Variants in LEMD3 observed in about 807,000 individuals in gnomAD.
LEMD3 encodes the protein LEM domain containing 3.
A neutral mutation model predicts 95.2 loss-of-function variants in LEMD3; 33 were observed. That is an observed-to-expected ratio of 0.35 (90% CI 0.26 to 0.46). The LOEUF (loss-of-function observed/expected upper bound fraction) is 0.46. LEMD3 is among the 20% of genes least tolerant of loss of function. The probability of loss-of-function intolerance (pLI) is 1.00; values close to 1 mark genes in which losing one functional copy is unlikely to be tolerated. For synonymous variants in LEMD3, 525 were observed against 474.6 expected, an observed-to-expected ratio of 1.11 and a Z score of -1.38; for missense variants, 1,210 against 1,192.8, an observed-to-expected ratio of 1.01 and a Z score of -0.21.
At chr12:65,239,127 TAA>T (rs572529772) in intron 6 of LEMD3, among the ~76,000 whole-genome samples, 69 of 152,318 alleles carry the variant, frequency 4.5e-4, no homozygotes, top group African/African-American at 1.7e-3. Flanking sequence ...TTTTAAATAA[TAA>T]AGTGTTATAA....
At position 65,246,687 on chromosome 12, in the gene LEMD3, C is replaced by T. The variant is rs181182810; in HGVS notation, c.*362C>T. On this transcript the variant is annotated 3_prime_UTR_variant, in exon 13 of 13. Coordinates refer to ENST00000308330, the MANE Select transcript of LEMD3 (RefSeq NM_014319.5). ...AAGGCTTCTTGTAGTCCCATAATTT[C>T]TTGTGAACTAATGTTGTGAATTTTT... 4.0e-6 allele frequency: 1 copy of T among 250,498 alleles called. No homozygotes were observed. Among genetic ancestry groups the T allele is most frequent in the Admixed American group, 5.2e-5 (1 of 19,366 alleles). 15.5% of individuals were successfully genotyped at this position (250,498 alleles called of 1,614,324 possible).
intron 4 of LEMD3, among the ~76,000 whole-genome samples, chr12:65,230,265 G>A (rs1870581278): frequency 6.6e-6 from 1 of 152,040 alleles, no homozygotes; most frequent in Admixed American, 6.6e-5. Context: ...CTTTTGCTCA[G>A]GATTGCTTTG....
rs1173665502 is a variant in LEMD3 at position 65,170,302 on chromosome 12, G to A, written c.706G>A (p.Glu236Lys). 6.3e-7 allele frequency: 1 copy of A among 1,585,128 alleles called. No homozygotes were observed. ...TGAGGAGAGGGACCCGGAGACCGAG[G>A]AGCCGCTCTGGGCGAGCCGGACCGT... ...DGEERDPETEEPLWASRTVNG... is the reference protein window; with the variant it reads ...DGEERDPETEKPLWASRTVNG... The change falls in exon 1 of 13, where the codon GAG becomes AAG. Residue 236 changes from glutamate (E) to lysine (K), a missense_variant. Physicochemically the swap from Glu to Lys is moderately conservative, Grantham distance 56. Coordinates refer to ENST00000308330, the MANE Select transcript of LEMD3 (RefSeq NM_014319.5).
At chr12:65,208,166 G>T (rs1367738333) in intron 1 of LEMD3, among the ~76,000 whole-genome samples, 1 of 152,012 alleles carries the variant, frequency 6.6e-6, no homozygotes, top group Admixed American at 6.6e-5. Flanking sequence ...AGAAAAGCTT[G>T]GTATATTTGA....
At chr12:65,195,136 T>G (rs1869389591) in intron 1 of LEMD3, among the ~76,000 whole-genome samples, 1 of 152,084 alleles carries the variant, frequency 6.6e-6, no homozygotes, top group Non-Finnish European at 1.5e-5. Flanking sequence ...TTTTGACCCA[T>G]GGTTGGTTGA....
At chr12:65,199,459 T>C (rs917110480) in intron 1 of LEMD3, among the ~76,000 whole-genome samples, 3 of 152,148 alleles carry the variant, frequency 2.0e-5, no homozygotes, top group Admixed American at 6.5e-5. Context: ...ACACATATTT[T>C]AAAAATTTCT....
chr12:65,186,181 T>C (rs1321091048), intron 1 of LEMD3, among the ~76,000 whole-genome samples: 5 of 152,116 alleles, frequency 3.3e-5, no homozygotes, highest in Admixed American at 3.3e-4. Context: ...TTCTAAGTCA[T>C]AAACTTTGGA....
intron 1 of LEMD3, among the ~76,000 whole-genome samples, chr12:65,199,294 T>G (rs1869522919): frequency 1.3e-5 from 2 of 152,116 alleles, no homozygotes. Context: ...CTTAAATGTC[T>G]ATTTTGGTAT....
chr12:65,188,396 C>T (rs944847970), intron 1 of LEMD3, among the ~76,000 whole-genome samples: 4 of 151,996 alleles, frequency 2.6e-5, no homozygotes, highest in Non-Finnish European at 4.4e-5. Context: ...TACTTAGAAC[C>T]GGAAGGGATC....
At chr12:65,222,204 G>A (rs1009346993) in intron 4 of LEMD3, among the ~76,000 whole-genome samples, 1 of 152,056 alleles carries the variant, frequency 6.6e-6, no homozygotes, top group African/African-American at 2.4e-5. Context: ...TGCATCTATT[G>A]AGATGATCAT....
chr12:65,209,643 AT>A (rs1869878014), intron 1 of LEMD3, among the ~76,000 whole-genome samples: 1 of 151,984 alleles, frequency 6.6e-6, no homozygotes, highest in Non-Finnish European at 1.5e-5. Flanking sequence ...ATTTTCTGTA[AT>A]ATCTTTCAAA....
At position 65,170,997 on chromosome 12, in the gene LEMD3, T is replaced by C; in HGVS notation, c.1401T>C (p.Ser467=). The C allele has an allele frequency of 1.2e-6, 2 of 1,613,952 alleles. No homozygotes were observed. The highest frequency in any genetic ancestry group is 1.7e-6 in the Non-Finnish European group (2 of 1,179,996). The change falls in exon 1 of 13, where the codon AGT becomes AGC. Residue 467 remains serine (S), a synonymous_variant. Transcript: ENST00000308330. Reference sequence around the variant, plus strand: ...GGGAGGAGGTGTCCCCAACAGGGAGTTTCAGTGCCCACTACTTGTCGATGT... The same window carrying C: ...GGGAGGAGGTGTCCCCAACAGGGAGCTTCAGTGCCCACTACTTGTCGATGT... The part of the protein sequence containing the change: ...FKREEVSPTG[S]FSAHYLSMFL...
intron 4 of LEMD3, among the ~76,000 whole-genome samples, chr12:65,221,533 T>G (rs1870288515): frequency 6.6e-6 from 1 of 151,874 alleles, no homozygotes; most frequent in East Asian, 1.9e-4. Flanking sequence ...ATAACAAGAT[T>G]TTTTTGGTGA....
intron 4 of LEMD3, among the ~76,000 whole-genome samples, chr12:65,225,000 C>A (rs1870404597): frequency 6.6e-6 from 1 of 152,042 alleles, no homozygotes; most frequent in African/African-American, 2.4e-5. Context: ...CTGATTCTTT[C>A]TTCTGTTTGA....
At chr12:65,239,115 A>C (rs1157204434) in intron 6 of LEMD3, among the ~76,000 whole-genome samples, 5 of 152,146 alleles carry the variant, frequency 3.3e-5, no homozygotes, top group African/African-American at 1.2e-4. Flanking sequence ...AATTGAGCTT[A>C]TTTTTAAATA....
intron 1 of LEMD3, among the ~76,000 whole-genome samples, chr12:65,178,238 C>T (rs1180191127): frequency 6.6e-6 from 1 of 151,724 alleles, no homozygotes; most frequent in African/African-American, 2.4e-5. Context: ...AATCCTAGAT[C>T]TATGAGAATA....
intron 1 of LEMD3, among the ~76,000 whole-genome samples, chr12:65,207,866 CTT>C (rs1869812091): frequency 6.6e-6 from 1 of 152,030 alleles, no homozygotes; most frequent in Non-Finnish European, 1.5e-5. Flanking sequence ...ACATGATAAA[CTT>C]TATTTCTGTG....
At chr12:65,192,021 A>G (rs961758187) in intron 1 of LEMD3, among the ~76,000 whole-genome samples, 1 of 151,936 alleles carries the variant, frequency 6.6e-6, no homozygotes, top group Non-Finnish European at 1.5e-5. Flanking sequence ...TGATTAAAGT[A>G]GATCACAGAT....
At chr12:65,191,924 CAAAAAAAAAAAA>C (rs35109917) in intron 1 of LEMD3, among the ~76,000 whole-genome samples, 5 of 74,324 alleles carry the variant, frequency 6.7e-5, no homozygotes, top group African/African-American at 2.8e-4. Context: ...GACTCCGTCT[CAAAAAAAAAAAA>C]AAAAAAAAAA....
Sources: allele counts gnomAD v4.1 joint callset (sites outside exome capture counted in the v4.1 genomes callset), GRCh38; gene constraint gnomAD v4.1.1; transcripts MANE v1.5; gene names NCBI Gene and HGNC (gene_info 2026-07-23, HGNC 2026-07-21).